Variants in ADAM12 observed in about 807,000 individuals in gnomAD.
ADAM12 encodes the protein disintegrin and metalloproteinase domain-containing protein 12.
Under a neutral mutation model 106.4 loss-of-function variants are expected in ADAM12, and 70 were observed. The ratio of observed to expected loss-of-function variants is 0.66; its 90% CI spans 0.54 to 0.80. The LOEUF (loss-of-function observed/expected upper bound fraction) is 0.80. Among genes scored for constraint, ADAM12 ranks in the 30% least tolerant of loss-of-function variants. The pLI is 0.00. For missense variants in ADAM12, 1,010 were observed against 1,171.9 expected (o/e 0.86, Z 2.02); for synonymous variants, 420 against 433.5 (o/e 0.97, Z 0.39).
intron 3 of ADAM12, among the ~76,000 whole-genome samples, chr10:126,232,954 T>C (rs1958341388): frequency 6.6e-6 from 1 of 151,784 alleles, no homozygotes; most frequent in Non-Finnish European, 1.5e-5. Flanking sequence ...ACGGGGGCAG[T>C]AGGGAGAGTC....
chr10:126,335,467 T>A (rs1854667217), intron 1 of ADAM12, among the ~76,000 whole-genome samples: 1 of 152,120 alleles, frequency 6.6e-6, no homozygotes, highest in Non-Finnish European at 1.5e-5. Context: ...GATGAAGCAA[T>A]TTTTTTAGCC....
intron 1 of ADAM12, among the ~76,000 whole-genome samples, chr10:126,362,943 G>T (rs1350926524): frequency 5.3e-5 from 8 of 152,220 alleles, no homozygotes; most frequent in African/African-American, 1.9e-4. Context: ...AACTGCAAAT[G>T]CTCCCAACAC....
At chr10:126,240,252 C>T (rs1958496746) in intron 3 of ADAM12, among the ~76,000 whole-genome samples, 1 of 152,194 alleles carries the variant, frequency 6.6e-6, no homozygotes, top group Admixed American at 6.5e-5. Flanking sequence ...ACAGGCACAC[C>T]CTTTAAAATA....
At chr10:126,330,591 A>C (rs1854477820) in intron 1 of ADAM12, 82 bp from the exon 2 acceptor site, 2 of 1,232,972 alleles carry the variant, frequency 1.6e-6, no homozygotes, top group Non-Finnish European at 2.3e-6. Context: ...TAAATGACAC[A>C]GTGAAAATAT....
chr10:126,284,976 T>C (rs570732684), intron 2 of ADAM12, among the ~76,000 whole-genome samples: 1 of 152,124 alleles, frequency 6.6e-6, no homozygotes, highest in East Asian at 1.9e-4. Flanking sequence ...AAAAGGTAGG[T>C]AGGGTTAAGG....
intron 8 of ADAM12, among the ~76,000 whole-genome samples, chr10:126,104,604 A>T (rs749941557): frequency 4.6e-5 from 7 of 152,184 alleles, no homozygotes; most frequent in Non-Finnish European, 1.0e-4. Context: ...TGCAAACTCC[A>T]CGATAGCTCC....
At chr10:126,229,629 CCT>C (rs1431580605) in intron 3 of ADAM12, among the ~76,000 whole-genome samples, 4 of 128,388 alleles carry the variant, frequency 3.1e-5, no homozygotes, top group African/African-American at 1.2e-4. Context: ...TCCCTCTCCC[CCT>C]CTCTTCCTCT....
intron 1 of ADAM12, among the ~76,000 whole-genome samples, chr10:126,347,479 T>G (rs3952714): frequency 6.6e-6 from 1 of 152,144 alleles, no homozygotes; most frequent in Non-Finnish European, 1.5e-5. Context: ...TCAACTTTGG[T>G]GAATCTGACA....
At chr10:126,355,856 G>T (rs1369255646) in intron 1 of ADAM12, among the ~76,000 whole-genome samples, 3 of 152,144 alleles carry the variant, frequency 2.0e-5, no homozygotes, top group Non-Finnish European at 2.9e-5. Flanking sequence ...CCAGTGAGAG[G>T]TACCAGCAAA....
At chr10:126,140,777 A>T (rs1278335) in intron 4 of ADAM12, among the ~76,000 whole-genome samples, 120,818 of 152,250 alleles carry the variant, frequency 0.79, 48,215 homozygotes, top group East Asian at 0.96. Flanking sequence ...CATAAGTCAA[A>T]ACACAGATAA....
intron 1 of ADAM12, among the ~76,000 whole-genome samples, chr10:126,386,938 C>G (rs966608106): frequency 6.6e-6 from 1 of 152,126 alleles, no homozygotes; most frequent in African/African-American, 2.4e-5. Flanking sequence ...ATCATTTATC[C>G]CCGAATTGGT....
intron 2 of ADAM12, among the ~76,000 whole-genome samples, chr10:126,283,292 T>C (rs1590729947): frequency 6.6e-6 from 1 of 151,982 alleles, no homozygotes; most frequent in African/African-American, 2.4e-5. Context: ...GCTACAGGGG[T>C]TGGGGACCCC....
At chr10:126,127,543 A>C (rs983934118) in intron 5 of ADAM12, among the ~76,000 whole-genome samples, 15 of 152,188 alleles carry the variant, frequency 9.9e-5, no homozygotes, top group Non-Finnish European at 1.5e-4. Context: ...CCAGTGTAGC[A>C]GACAGGAAGG....
At chr10:126,191,284 G>A (rs138112351) in intron 3 of ADAM12, among the ~76,000 whole-genome samples, 2,126 of 152,138 alleles carry the variant, frequency 0.014, 41 homozygotes, top group African/African-American at 0.044. Flanking sequence ...TTGAGTCACC[G>A]GGCCCAGTCT....
intron 3 of ADAM12, chr10:126,272,991 T>A (rs1959187125): frequency 6.4e-6 from 1 of 156,382 alleles, no homozygotes; most frequent in Admixed American, 6.4e-5. Context: ...CAACACGACC[T>A]CTGCCATCAG....
chr10:126,169,063 C>A (rs1296103261), intron 3 of ADAM12, among the ~76,000 whole-genome samples: 1 of 152,048 alleles, frequency 6.6e-6, no homozygotes, highest in African/African-American at 2.4e-5. Flanking sequence ...GAAAAAAAAC[C>A]CAAAAAGCAA....
chr10:126,043,220 G>C lies in ADAM12; in HGVS notation c.1996-72C>G. The C allele has an allele frequency of 7.0e-7, 1 of 1,429,148 alleles. No homozygotes were observed. Among genetic ancestry groups the C allele is most frequent in the Non-Finnish European group, 9.7e-7 (1 of 1,033,488 alleles). The allele number at this position is 1,429,148 out of a possible 1,614,324, so 88.5% of individuals were successfully genotyped here. ...TGCATCACCACAGCAGAAGCAAGGG[G>C]GGCCATGGTCAGAGCCCCCCCCCAA... On this transcript the variant is annotated intron_variant, in intron 17 of 22. Coordinates refer to ENST00000448723, the MANE Select transcript of ADAM12 (RefSeq NM_001288973.2). The surrounding 1 kb of genome is among the most constrained non-coding windows in gnomAD (Gnocchi z 4.1).
At chr10:126,061,104 C>A (rs769924064) in intron 14 of ADAM12, among the ~76,000 whole-genome samples, 2 of 152,218 alleles carry the variant, frequency 1.3e-5, no homozygotes, top group Non-Finnish European at 2.9e-5. Flanking sequence ...GTCTTCAAAG[C>A]CTCCTAGTTG....
Position 126,345,806 on chromosome 10 carries a change from T to G in ADAM12, c.89-15297A>C, listed in dbSNP as rs546475673. Among the ~76,000 whole-genome samples the G allele has an allele frequency of 8.0e-4, 122 of 152,358 alleles. 3 individuals are homozygous for G. In the South Asian group the frequency reaches 0.015, roughly 18 times the overall value. ...TTTCTTCTAGATTTTCTAGTTTATTTGTGTAGAGGTGTTTATAGTATTCTC... is the reference window on the plus strand; with the variant it reads ...TTTCTTCTAGATTTTCTAGTTTATTGGTGTAGAGGTGTTTATAGTATTCTC... On this transcript the variant is annotated intron_variant, in intron 1 of 22. Transcript: ENST00000448723.
Sources: allele counts gnomAD v4.1 joint callset (sites outside exome capture counted in the v4.1 genomes callset), GRCh38; gene constraint gnomAD v4.1.1; non-coding constraint Gnocchi (gnomAD v3.1); transcripts MANE v1.5; gene names NCBI Gene and HGNC (gene_info 2026-07-23, HGNC 2026-07-21).